Variants in RAPGEF2 observed in about 807,000 individuals in gnomAD.
RAPGEF2 encodes the protein Rap guanine nucleotide exchange factor 2, also known as PDZ domain containing guanine nucleotide exchange factor (GEF) 1.
RAPGEF2 carries 54 observed loss-of-function variants against 186.7 expected under a neutral mutation model. That is an observed-to-expected ratio of 0.29 (90% CI 0.23 to 0.36). The LOEUF is 0.36. Ranked by LOEUF, RAPGEF2 falls within the 10% of genes least tolerant of loss-of-function variation. RAPGEF2 has a pLI of 1.00. For synonymous variants in RAPGEF2, 712 were observed against 705.9 expected, an observed-to-expected ratio of 1.01 and a Z score of -0.14; for missense variants, 1,532 against 2,045.0, an observed-to-expected ratio of 0.75 and a Z score of 4.84.
chr4:159,131,812 GT>G (rs33992983), intron 1 of RAPGEF2, among the ~76,000 whole-genome samples: 1,534 of 151,680 alleles, frequency 0.01, 29 homozygotes, highest in African/African-American at 0.035. Flanking sequence ...TCCTTAAGAA[GT>G]TTTAACATAG....
intron 1 of RAPGEF2, among the ~76,000 whole-genome samples, chr4:159,132,220 A>G (rs192569946): frequency 6.6e-6 from 1 of 152,224 alleles, no homozygotes; most frequent in Non-Finnish European, 1.5e-5. Flanking sequence ...TCTTCAGGTT[A>G]TCTAGCTCTA....
rs1730945193 is a variant in RAPGEF2, at chr4:159,350,040, A to G, written c.3713-97A>G. The G allele has an allele frequency of 6.9e-6, 5 of 720,340 alleles. No individual in the cohort carries two copies. In the Admixed American group the frequency reaches 1.7e-4, roughly 25 times the overall value. The allele number at this position is 720,340 out of a possible 1,614,324, so 44.6% of individuals were successfully genotyped here. A position where few individuals can be genotyped will look rare whatever the true frequency, so the allele number is the denominator to read the frequency against. On this transcript the variant is annotated intron_variant, in intron 25 of 29. Transcript: ENST00000691494. Reference sequence around the variant, plus strand: ...AAATAGGTTGAACCTCAGTGTAATGATATTAAATCTTAACACAAAAAAGTT... The same window carrying G: ...AAATAGGTTGAACCTCAGTGTAATGGTATTAAATCTTAACACAAAAAAGTT...
At chr4:159,213,157 A>G (rs1020871088) in intron 4 of RAPGEF2, among the ~76,000 whole-genome samples, 2 of 152,192 alleles carry the variant, frequency 1.3e-5, no homozygotes, top group African/African-American at 2.4e-5. Context: ...GACAGTTTGC[A>G]CCGTCCAAGT....
chr4:159,267,809 C>A, intron 7 of RAPGEF2: 1 of 981,508 alleles, frequency 1.0e-6, no homozygotes, highest in Non-Finnish European at 1.2e-6. Flanking sequence ...TTTTTTTTTC[C>A]TCTCCTTTTC....
intron 7 of RAPGEF2, among the ~76,000 whole-genome samples, chr4:159,266,687 A>C (rs1323640526): frequency 6.6e-6 from 1 of 152,110 alleles, no homozygotes; most frequent in Non-Finnish European, 1.5e-5. Flanking sequence ...ACATCATCTA[A>C]ATGTATACAA....
In RAPGEF2 at chr4:159,353,152, G is replaced by A. The variant is rs995603278; in HGVS notation, c.4091+242G>A. ...CAGTTGTTCTGTGCTGAAGGCAGAG[G>A]GTGACTGTAGGATCCATCCCAGTTG... On this transcript the variant is annotated intron_variant, in intron 27 of 29. Transcript: ENST00000691494. The surrounding 1 kb of genome is among the most constrained non-coding windows in gnomAD (Gnocchi z 4.3). 5.9e-5 allele frequency among the ~76,000 whole-genome samples: 9 copies of A among 152,072 alleles called. No homozygotes were observed. Among genetic ancestry groups the A allele is most frequent in the African/African-American group, 2.2e-4 (9 of 41,400 alleles).
At chr4:159,154,758 G>A (rs1032060386) in intron 1 of RAPGEF2, among the ~76,000 whole-genome samples, 2 of 152,078 alleles carry the variant, frequency 1.3e-5, no homozygotes, top group African/African-American at 4.8e-5. Flanking sequence ...ACTTGCTCAG[G>A]TTCTCAGATA....
intron 20 of RAPGEF2, 82 bp downstream of exon 20, chr4:159,342,029 A>C: frequency 7.6e-7 from 1 of 1,318,164 alleles, no homozygotes; most frequent in Non-Finnish European, 1.0e-6. Context: ...TCATATAATT[A>C]GTATAAATGC....
chr4:159,201,056 A>G (rs1317817756), intron 3 of RAPGEF2, among the ~76,000 whole-genome samples: 3 of 152,072 alleles, frequency 2.0e-5, no homozygotes, highest in East Asian at 3.8e-4. Flanking sequence ...CATGCACTTT[A>G]TATTTCTTTT....
chr4:159,118,620 T>C (rs1216966923), intron 1 of RAPGEF2, among the ~76,000 whole-genome samples: 1 of 152,104 alleles, frequency 6.6e-6, no homozygotes, highest in African/African-American at 2.4e-5. Flanking sequence ...AGTTTTGCTC[T>C]TGTTGCCCAG....
At chr4:159,167,203 A>G (rs771399186) in intron 1 of RAPGEF2, among the ~76,000 whole-genome samples, 6 of 152,250 alleles carry the variant, frequency 3.9e-5, no homozygotes, top group Non-Finnish European at 8.8e-5. Flanking sequence ...TTTCACTGGA[A>G]TAGCTGGGAC....
intron 1 of RAPGEF2, among the ~76,000 whole-genome samples, chr4:159,158,945 G>C (rs941593199): frequency 1.3e-5 from 2 of 152,064 alleles, no homozygotes; most frequent in African/African-American, 4.8e-5. Flanking sequence ...CTGTATAAGG[G>C]CTAGCGTTTA....
chr4:159,113,481 C>T (rs1303667826), intron 1 of RAPGEF2, among the ~76,000 whole-genome samples: 1 of 152,076 alleles, frequency 6.6e-6, no homozygotes, highest in Non-Finnish European at 1.5e-5. Context: ...TGGCTCACTC[C>T]TGTAATCCCT....
At chr4:159,286,272 C>T (rs1487583854) in intron 7 of RAPGEF2, among the ~76,000 whole-genome samples, 1 of 152,058 alleles carries the variant, frequency 6.6e-6, no homozygotes, top group African/African-American at 2.4e-5. Flanking sequence ...TTCTACCTGC[C>T]TCACCATGAA....
At chr4:159,125,231 T>C (rs193019787) in intron 1 of RAPGEF2, among the ~76,000 whole-genome samples, 87 of 152,304 alleles carry the variant, frequency 5.7e-4, no homozygotes, top group African/African-American at 2.0e-3. Flanking sequence ...AATGAATCGA[T>C]TTAGTTTACA....
chr4:159,280,799 A>G (rs564111818), intron 7 of RAPGEF2, among the ~76,000 whole-genome samples: 1 of 152,196 alleles, frequency 6.6e-6, no homozygotes, highest in African/African-American at 2.4e-5. Flanking sequence ...TTTAATAAGC[A>G]TATTTAAAAC....
chr4:159,261,332 G>A (rs1477836327), intron 7 of RAPGEF2, among the ~76,000 whole-genome samples: 1 of 152,098 alleles, frequency 6.6e-6, no homozygotes, highest in African/African-American at 2.4e-5. Context: ...AAAGTGCTGG[G>A]ATTACGGGCG....
chr4:159,118,776 G>C (rs1739340627), intron 1 of RAPGEF2, among the ~76,000 whole-genome samples: 1 of 152,000 alleles, frequency 6.6e-6, no homozygotes. Context: ...GTAGAGATGG[G>C]GTTTCACCAT....
At chr4:159,265,483 A>G (rs754895723) in intron 7 of RAPGEF2, among the ~76,000 whole-genome samples, 1 of 152,218 alleles carries the variant, frequency 6.6e-6, no homozygotes, top group Non-Finnish European at 1.5e-5. Context: ...CCTTTTGTCT[A>G]TGAAGGAGGC....
Sources: allele counts gnomAD v4.1 joint callset (sites outside exome capture counted in the v4.1 genomes callset), GRCh38; gene constraint gnomAD v4.1.1; non-coding constraint Gnocchi (gnomAD v3.1); transcripts MANE v1.5; gene names NCBI Gene and HGNC (gene_info 2026-07-23, HGNC 2026-07-21).